Variants in HSPBP1 observed in about 807,000 individuals in gnomAD.
The protein encoded by HSPBP1 is HSPA (Hsp70) binding protein 1, also known as hsp70-binding protein 1.
In HSPBP1, 31 loss-of-function variants were observed where a neutral mutation model predicts 41.7. The ratio of observed to expected loss-of-function variants is 0.74; its 90% CI spans 0.56 to 1.00. HSPBP1 has a LOEUF of 1.00. HSPBP1 is among the 50% of genes least tolerant of loss of function. HSPBP1 has a pLI of 0.00. For synonymous variants in HSPBP1, 199 were observed against 214.4 expected (o/e 0.93, Z 0.63); for missense variants, 439 against 487.9 (o/e 0.90, Z 0.94).
chr19:55,264,076 T>C (rs2087712977), intron 7 of HSPBP1, among the ~76,000 whole-genome samples: 1 of 151,520 alleles, frequency 6.6e-6, no homozygotes, highest in Non-Finnish European at 1.5e-5. Flanking sequence ...CAAGCGATTC[T>C]CCTGCCTCAG....
At chr19:55,280,160 C>G (rs2088194409), upstream of HSPBP1, 1 of 186,962 alleles carries the variant, frequency 5.3e-6, no homozygotes, top group Non-Finnish European at 1.1e-5. Flanking sequence ...CGTACCCACC[C>G]AACTTCGTGC....
At chr19:55,266,834 C>A (rs1297739365) in intron 4 of HSPBP1, among the ~76,000 whole-genome samples, 6 of 152,188 alleles carry the variant, frequency 3.9e-5, no homozygotes, top group Non-Finnish European at 5.9e-5. Context: ...CATCACCCCC[C>A]AAAGGAAACC....
intron 4 of HSPBP1, among the ~76,000 whole-genome samples, chr19:55,271,765 A>G (rs2122849501): frequency 6.6e-6 from 1 of 152,364 alleles, no homozygotes; most frequent in East Asian, 1.9e-4. Flanking sequence ...GAATTAAAAA[A>G]TAGCCAACCT....
chr19:55,279,374 A>G, intron 2 of HSPBP1, 25 bp downstream of exon 2: 2 of 1,571,434 alleles, frequency 1.3e-6, no homozygotes, highest in Non-Finnish European at 1.7e-6. Context: ...CCCTCACCCC[A>G]GCTTCTTGGG....
rs143805901 is a variant in HSPBP1, at chr19:55,279,501, C to A, written c.108G>T (p.Ser36=). ...GGGGGSSAGG[S]GNSRPPRNLQ... is the part of the protein sequence containing the mutation. The stretch of plus-strand genomic sequence containing the variant: ...GGTTGCGTGGGGGCCGGGAATTGCC[C>A]GAGCCCCCAGCCGAGGAGCCGCCGC... Residue 36 remains serine, a synonymous_variant, in exon 2 of 8, where the codon TCG becomes TCT. Transcript: ENST00000433386. 2 of 1,587,540 alleles carry A rather than the reference C, an allele frequency of 1.3e-6. No homozygotes were observed. Among genetic ancestry groups the A allele is most frequent in the Non-Finnish European group, 8.5e-7 (1 of 1,172,900 alleles).
At position 55,274,565 on chromosome 19, in the gene HSPBP1, G is replaced by T; in HGVS notation, c.473C>A (p.Ala158Asp). 1 of 1,608,934 alleles carries T rather than the reference G, an allele frequency of 6.2e-7. No individual in the cohort carries two copies. The change falls in exon 4 of 8, where the codon GCT becomes GAT. Residue 158 changes from alanine (A) to aspartate (D), a missense_variant. By Grantham distance (126) the Ala-to-Asp change is moderately radical. Transcript: ENST00000433386. The stretch of plus-strand genomic sequence containing the variant: ...TGCCGCCCGCCACCGCAGTCCCGCA[G>T]CCCCCGCCTCCAGGTACCGGCCCAC... ...LLVGRYLEAG[A>D]AGLRWRAAQL...
rs2087844647 is a variant in HSPBP1, at chr19:55,268,552, C to G, written c.641-2266G>C. Among the ~76,000 whole-genome samples, 1 of 152,174 alleles carries G rather than the reference C, an allele frequency of 6.6e-6. No homozygotes were observed. Among genetic ancestry groups the G allele is most frequent in the South Asian group, 2.1e-4 (1 of 4,836 alleles). On this transcript the variant is annotated intron_variant, in intron 4 of 7. Coordinates refer to ENST00000433386, the MANE Select transcript of HSPBP1 (RefSeq NM_012267.5). This position sits in a 1 kb window ranked among gnomAD's most constrained non-coding sequence, Gnocchi z 4.5. Reference sequence around the variant, plus strand: ...ATGTGCTTCATTTGTAAAATGCACACACTAGGTTTTGAAGACTTAGCATGA... The same window carrying G: ...ATGTGCTTCATTTGTAAAATGCACAGACTAGGTTTTGAAGACTTAGCATGA...
intron 7 of HSPBP1, 40 bp downstream of exon 7, chr19:55,265,238 G>T: frequency 1.5e-6 from 2 of 1,292,986 alleles, no homozygotes; most frequent in African/African-American, 1.8e-5. Flanking sequence ...CCTCCCCCTT[G>T]CACCTGGTCC....
rs1187588183 is a variant in HSPBP1 at position 55,274,597 on chromosome 19, G to A, written c.441C>T (p.His147=). 5 of 1,607,302 alleles carry A rather than the reference G, an allele frequency of 3.1e-6. No individual in the cohort carries two copies. The highest frequency in any genetic ancestry group is 2.7e-5 in the African/African-American group (2 of 75,030). The change falls in exon 4 of 8, where the codon CAC becomes CAT. Residue 147 remains histidine (H), a synonymous_variant. Transcript: ENST00000433386. The part of the protein sequence containing the change: ...AADFCQLSGM[H]LLVGRYLEAG... Reference sequence around the variant, plus strand: ...CCTCCAGGTACCGGCCCACCAGCAGGTGCATGCCAGACAGCTGGCAGAAGT... The same window carrying A: ...CCTCCAGGTACCGGCCCACCAGCAGATGCATGCCAGACAGCTGGCAGAAGT...
At position 55,272,014 on chromosome 19, in the gene HSPBP1, A is replaced by C. The variant is rs764015851; in HGVS notation, c.640+2384T>G. Among the ~76,000 whole-genome samples, 1 of 151,844 alleles carries C rather than the reference A, an allele frequency of 6.6e-6. No individual in the cohort carries two copies. The highest frequency in any genetic ancestry group is 1.5e-5 in the Non-Finnish European group (1 of 67,988). Reference sequence around the variant, plus strand: ...GAGGTGGAGGTTGCAGTGAGCCGAGATTGCGCCACTGCACTCCAGCCTGGG... The same window carrying C: ...GAGGTGGAGGTTGCAGTGAGCCGAGCTTGCGCCACTGCACTCCAGCCTGGG... On this transcript the variant is annotated intron_variant, in intron 4 of 7. Coordinates refer to ENST00000433386, the MANE Select transcript of HSPBP1 (RefSeq NM_012267.5). The surrounding 1 kb of genome is among the most constrained non-coding windows in gnomAD (Gnocchi z 4.2).
chr19:55,270,037 T>C lies in HSPBP1; in HGVS notation c.641-3751A>G, dbSNP rs1420217780. On this transcript the variant is annotated intron_variant, in intron 4 of 7. Coordinates refer to ENST00000433386, the MANE Select transcript of HSPBP1 (RefSeq NM_012267.5). This position sits in a 1 kb window ranked among gnomAD's most constrained non-coding sequence, Gnocchi z 5.4. ...CAGCAGGAGCTGAGGGGACGTACCCTGCAAATGGCTCCCAGCACGGAACTC... is the reference window on the plus strand; with the variant it reads ...CAGCAGGAGCTGAGGGGACGTACCCCGCAAATGGCTCCCAGCACGGAACTC... Among the ~76,000 whole-genome samples, 1 of 152,056 alleles carries C rather than the reference T, an allele frequency of 6.6e-6. No individual in the cohort carries two copies. Among genetic ancestry groups the C allele is most frequent in the Non-Finnish European group, 1.5e-5 (1 of 68,012 alleles).
chr19:55,263,767 TAAG>T (rs890076217), intron 7 of HSPBP1, among the ~76,000 whole-genome samples: 12 of 152,226 alleles, frequency 7.9e-5, no homozygotes, highest in Admixed American at 5.9e-4. Flanking sequence ...CCTAATATTT[TAAG>T]AAGGACACCT....
Position 55,266,296 on chromosome 19 carries a change from G to C in HSPBP1, c.641-10C>G. 1.3e-6 allele frequency: 2 copies of C among 1,564,472 alleles called. No individual in the cohort carries two copies. On this transcript the variant is annotated splice_polypyrimidine_tract_variant and intron_variant, in intron 4 of 7. Transcript: ENST00000433386. Reference sequence around the variant, plus strand: ...TGCTCTCGGACCAGACCTGGGAGAGGGGGAAAGGTCCTGAGCTTGCAGTCA... The same window carrying C: ...TGCTCTCGGACCAGACCTGGGAGAGCGGGAAAGGTCCTGAGCTTGCAGTCA...
intron 2 of HSPBP1, 31 bp downstream of exon 2, chr19:55,279,368 C>T: frequency 6.4e-7 from 1 of 1,559,776 alleles, no homozygotes; most frequent in South Asian, 1.2e-5. Flanking sequence ...CCAGGCCCCT[C>T]ACCCCAGCTT....
intron 4 of HSPBP1, among the ~76,000 whole-genome samples, chr19:55,267,107 G>C (rs1487340802): frequency 1.3e-5 from 2 of 151,920 alleles, no homozygotes; most frequent in Non-Finnish European, 2.9e-5. Context: ...TTCCTCCATT[G>C]ATGGAAGCAT....
intron 4 of HSPBP1, among the ~76,000 whole-genome samples, chr19:55,271,442 C>T (rs2087921813): frequency 6.6e-6 from 1 of 152,174 alleles, no homozygotes; most frequent in Non-Finnish European, 1.5e-5. Flanking sequence ...CTGCTCTGGC[C>T]CTCGGGACAC....
At chr19:55,267,366 G>A (rs1243220751) in intron 4 of HSPBP1, among the ~76,000 whole-genome samples, 1 of 152,028 alleles carries the variant, frequency 6.6e-6, no homozygotes, top group Non-Finnish European at 1.5e-5. Flanking sequence ...GGCCAGGTTG[G>A]TCTCAAGCTC....
intron 3 of HSPBP1, among the ~76,000 whole-genome samples, chr19:55,275,382 A>G (rs1347302591): frequency 1.3e-5 from 2 of 152,210 alleles, no homozygotes; most frequent in Non-Finnish European, 2.9e-5. Context: ...AGGGACTCAG[A>G]TACTTATATA....
Position 55,274,425 on chromosome 19 carries a change from G to T in HSPBP1, c.613C>A (p.Arg205Ser). 6.7e-7 allele frequency: 1 copy of T among 1,481,826 alleles called. No individual in the cohort carries two copies. The allele number at this position is 1,481,826 out of a possible 1,614,324, so 91.8% of individuals were successfully genotyped here. A position where few individuals can be genotyped will look rare whatever the true frequency, so the allele number is the denominator to read the frequency against. ...GAGATGGCGAAGAGGGCCTTGACGC[G>T]CACCGTGTCGCAGGCGTCGCGGTCC... Reference protein sequence around the residue: ...LLDRDACDTVRVKALFAISCL... With the variant: ...LLDRDACDTVSVKALFAISCL... Residue 205 changes from arginine to serine, a missense_variant, in exon 4 of 8, where the codon CGC becomes AGC. Arg to Ser is a moderately radical substitution (Grantham distance 110). Transcript: ENST00000433386.
Sources: gnomAD v4.1 joint callset for allele counts (sites outside exome capture counted in the v4.1 genomes callset) on GRCh38, gnomAD v4.1.1 for gene constraint, Gnocchi (gnomAD v3.1) non-coding constraint, MANE v1.5 for transcripts, NCBI Gene and HGNC (gene_info 2026-07-23, HGNC 2026-07-21) for gene names.